The following NDUFAF2 variants were observed in gnomAD, a reference collection of about 807,000 sequenced individuals.
The protein encoded by NDUFAF2 is NADH:ubiquinone oxidoreductase complex assembly factor 2, also known as NADH dehydrogenase [ubiquinone] 1 alpha subcomplex assembly factor 2.
A neutral mutation model predicts 22.8 loss-of-function variants in NDUFAF2; 13 were observed. The observed-to-expected ratio is 0.57, with a 90% CI of 0.37 to 0.91. The LOEUF (loss-of-function observed/expected upper bound fraction) is 0.91, where lower values mean the gene tolerates loss of function less well. Ranked by LOEUF, NDUFAF2 falls within the 40% of genes least tolerant of loss-of-function variation. The pLI, the probability that NDUFAF2 is intolerant of heterozygous loss-of-function variation, is 0.01. For missense variants in NDUFAF2, 162 were observed against 195.2 expected (o/e 0.83, Z 1.01); for synonymous variants, 53 against 64.2 (o/e 0.83, Z 0.84).
intron 1 of NDUFAF2, among the ~76,000 whole-genome samples, chr5:61,036,970 C>A (rs1469861694): frequency 6.6e-6 from 1 of 152,048 alleles, no homozygotes; most frequent in Non-Finnish European, 1.5e-5. Context: ...TCTGGAGAAG[C>A]AAATAGCACA....
intron 1 of NDUFAF2, among the ~76,000 whole-genome samples, chr5:60,993,979 C>A (rs767943231): frequency 2.2e-4 from 33 of 152,232 alleles, no homozygotes; most frequent in Non-Finnish European, 4.6e-4. Context: ...TCAGTGGGGA[C>A]CTGCTCCCTT....
At chr5:61,098,922 T>C (rs1752674606) in intron 2 of NDUFAF2, 70 bp from the exon 3 acceptor site, 1 of 1,313,750 alleles carries the variant, frequency 7.6e-7, no homozygotes, top group Non-Finnish European at 1.1e-6. Flanking sequence ...TCAAAAAAAT[T>C]TGTTTTATGG....
intron 2 of NDUFAF2, among the ~76,000 whole-genome samples, chr5:61,081,120 T>G (rs1001195311): frequency 1.4e-4 from 21 of 152,224 alleles, no homozygotes; most frequent in Non-Finnish European, 1.3e-4. Flanking sequence ...AGCACCTTTG[T>G]CAGACATCAA....
intron 1 of NDUFAF2, among the ~76,000 whole-genome samples, chr5:60,974,344 G>A (rs1750874293): frequency 6.6e-6 from 1 of 152,214 alleles, no homozygotes; most frequent in Admixed American, 6.5e-5. Flanking sequence ...CTTTGCCACA[G>A]ACTGAAGGCT....
intron 1 of NDUFAF2, among the ~76,000 whole-genome samples, chr5:61,031,392 G>T (rs1314262967): frequency 6.6e-6 from 1 of 152,106 alleles, no homozygotes; most frequent in African/African-American, 2.4e-5. Context: ...ACTTATGAGT[G>T]AGAATATGTG....
At chr5:60,956,085 G>T (rs770304480) in intron 1 of NDUFAF2, among the ~76,000 whole-genome samples, 1 of 151,870 alleles carries the variant, frequency 6.6e-6, no homozygotes, top group Non-Finnish European at 1.5e-5. Context: ...ATTTTTTGTA[G>T]AGATGAGATT....
chr5:61,138,702 G>A (rs1741000210), intron 3 of NDUFAF2, among the ~76,000 whole-genome samples: 1 of 152,144 alleles, frequency 6.6e-6, no homozygotes, highest in Non-Finnish European at 1.5e-5. Flanking sequence ...AACCTTCTAG[G>A]GGTCAGGGAA....
intron 1 of NDUFAF2, among the ~76,000 whole-genome samples, chr5:61,021,717 A>G (rs1208431572): frequency 6.6e-6 from 1 of 152,156 alleles, no homozygotes; most frequent in Non-Finnish European, 1.5e-5. Context: ...ATTTAATATT[A>G]TGCCTTTTTA....
intron 3 of NDUFAF2, among the ~76,000 whole-genome samples, chr5:61,108,071 G>T (rs1023424316): frequency 6.7e-6 from 1 of 149,712 alleles, no homozygotes; most frequent in African/African-American, 2.5e-5. Flanking sequence ...TGGTGTATAT[G>T]TGCCACATTT....
In NDUFAF2 at chr5:61,123,643, T is replaced by A. The variant is rs1381157033; in HGVS notation, c.258+24611T>A. 2.0e-5 allele frequency among the ~76,000 whole-genome samples: 3 copies of A among 152,212 alleles called. No individual in the cohort carries two copies. In the East Asian group the frequency reaches 5.8e-4, roughly 29 times the overall value. On this transcript the variant is annotated intron_variant, in intron 3 of 3. Transcript: ENST00000296597. ...ATAAAACTGAGAAATGAAAGACTTG[T>A]AAATTTACATGTACTTGTAAAATGT...
chr5:61,116,033 A>G (rs1752908251), intron 3 of NDUFAF2: 1 of 152,232 alleles, frequency 6.6e-6, no homozygotes, highest in Admixed American at 6.6e-5. Context: ...GAACATGTAC[A>G]TACTGAAAAT....
chr5:61,150,401 A>G (rs1326043759), intron 3 of NDUFAF2, among the ~76,000 whole-genome samples: 1 of 152,192 alleles, frequency 6.6e-6, no homozygotes, highest in Non-Finnish European at 1.5e-5. Flanking sequence ...TTTAACTCTG[A>G]AATCTTTAAC....
chr5:61,106,263 C>G (rs544350906), intron 3 of NDUFAF2, among the ~76,000 whole-genome samples: 1 of 151,472 alleles, frequency 6.6e-6, no homozygotes, highest in East Asian at 1.9e-4. Flanking sequence ...AGGGACCTTT[C>G]TAGTAGACAA....
At chr5:61,012,503 T>C (rs2112598450) in intron 1 of NDUFAF2, among the ~76,000 whole-genome samples, 1 of 152,258 alleles carries the variant, frequency 6.6e-6, no homozygotes, top group East Asian at 1.9e-4. Flanking sequence ...AAATTTATTC[T>C]GTTATTTTTT....
rs1025454142 is a variant in NDUFAF2 at position 61,044,550 on chromosome 5, C to T, written c.128-28575C>T. ...GTGTATTCTTTTTCATGTGTATATC[C>T]AGTTTTTCCAACACCAATTTATTGA... On this transcript the variant is annotated intron_variant, in intron 1 of 3. Transcript: ENST00000296597. Among the ~76,000 whole-genome samples, 6 of 151,954 alleles carry T rather than the reference C, an allele frequency of 3.9e-5. 1 individual carries two copies. In the East Asian group the frequency reaches 1.2e-3, roughly 29 times the overall value.
chr5:61,100,228 A>G (rs1420836953), intron 3 of NDUFAF2, among the ~76,000 whole-genome samples: 1 of 152,184 alleles, frequency 6.6e-6, no homozygotes, highest in Non-Finnish European at 1.5e-5. Flanking sequence ...TCTCTTGGTC[A>G]TAATAAGAGC....
chr5:61,041,742 G>A (rs1380202727), intron 1 of NDUFAF2, among the ~76,000 whole-genome samples: 1 of 152,166 alleles, frequency 6.6e-6, no homozygotes, highest in Non-Finnish European at 1.5e-5. Flanking sequence ...CTAATAAGGA[G>A]AAAAGAGTCA....
intron 3 of NDUFAF2, among the ~76,000 whole-genome samples, chr5:61,117,597 C>G (rs1024905099): frequency 3.3e-5 from 5 of 152,096 alleles, no homozygotes; most frequent in Non-Finnish European, 7.4e-5. Flanking sequence ...CTCAAGCGAT[C>G]TTCCCACCTC....
intron 1 of NDUFAF2, among the ~76,000 whole-genome samples, chr5:61,013,081 C>G (rs1751460705): frequency 6.6e-6 from 1 of 151,944 alleles, no homozygotes; most frequent in Non-Finnish European, 1.5e-5. Context: ...AAAAAATTAT[C>G]TTCATATTGG....
Sources: allele counts gnomAD v4.1 joint callset (sites outside exome capture counted in the v4.1 genomes callset), GRCh38; gene constraint gnomAD v4.1.1; transcripts MANE v1.5; gene names NCBI Gene and HGNC (gene_info 2026-07-23, HGNC 2026-07-21).